LRRC7: variants seen among roughly 807,000 people sequenced by gnomAD.
LRRC7 encodes leucine-rich repeat-containing protein 7.
LRRC7 carries 23 observed loss-of-function variants against 175.7 expected under a neutral mutation model. The observed-to-expected ratio is 0.13, with a 90% CI of 0.09 to 0.19. LRRC7 has a LOEUF of 0.19. Among genes scored for constraint, LRRC7 ranks in the 10% least tolerant of loss-of-function variants. The pLI, the probability that LRRC7 is intolerant of heterozygous loss-of-function variation, is 1.00. For synonymous variants in LRRC7, 685 were observed against 680.9 expected (o/e 1.01, Z -0.09); for missense variants, 1,354 against 1,904.7 (o/e 0.71, Z 5.38).
chr1:69,978,776 C>G lies in LRRC7; in HGVS notation c.712-1603C>G, dbSNP rs1454855997. 3.3e-5 allele frequency among the ~76,000 whole-genome samples: 5 copies of G among 152,058 alleles called. No individual in the cohort carries two copies. The East Asian group carries it at 7.7e-4, about 24-fold the overall frequency. ...GATAACCTCCAATGACCTACAATTA[C>G]TAATATTCTCATGGTAACTTTGATA... On this transcript the variant is annotated intron_variant, in intron 8 of 26. Coordinates refer to ENST00000651989, the MANE Select transcript of LRRC7 (RefSeq NM_001370785.2).
At chr1:70,096,220 G>A (rs184608583) in intron 25 of LRRC7, among the ~76,000 whole-genome samples, 43 of 152,226 alleles carry the variant, frequency 2.8e-4, no homozygotes, top group Admixed American at 2.4e-3. Flanking sequence ...CAGGTGATCC[G>A]CCTGCCGCGG....
intron 7 of LRRC7, among the ~76,000 whole-genome samples, chr1:69,903,921 CTGG>C (rs1234849391): frequency 6.6e-6 from 1 of 152,102 alleles, no homozygotes; most frequent in Admixed American, 6.6e-5. Context: ...GGATAAATTC[CTGG>C]ATACGTACAC....
chr1:69,865,305 C>T (rs1684789138), intron 7 of LRRC7, among the ~76,000 whole-genome samples: 1 of 151,824 alleles, frequency 6.6e-6, no homozygotes. Context: ...GTTTCAGGCA[C>T]TCGGTTGCAT....
intron 1 of LRRC7, among the ~76,000 whole-genome samples, chr1:69,638,742 G>A (rs1219251944): frequency 1.3e-5 from 2 of 151,682 alleles, no homozygotes; most frequent in Non-Finnish European, 3.0e-5. Context: ...AAAGTACAAT[G>A]TTCTCCACCT....
chr1:69,574,077 A>G (rs1645847050), intron 1 of LRRC7, among the ~76,000 whole-genome samples: 1 of 152,086 alleles, frequency 6.6e-6, no homozygotes, highest in South Asian at 2.1e-4. Flanking sequence ...GCTTAAGTTA[A>G]AAACAGTGGA....
intron 7 of LRRC7, among the ~76,000 whole-genome samples, chr1:69,857,178 G>A (rs1373813334): frequency 6.6e-6 from 1 of 152,076 alleles, no homozygotes; most frequent in Non-Finnish European, 1.5e-5. Flanking sequence ...GCAAAAACTG[G>A]AAGCATTCCC....
intron 2 of LRRC7, among the ~76,000 whole-genome samples, chr1:69,699,016 C>G (rs1662986209): frequency 6.6e-6 from 1 of 151,990 alleles, no homozygotes; most frequent in Non-Finnish European, 1.5e-5. Context: ...TTCAGAGCTC[C>G]TTGAGATTTA....
At chr1:69,741,581 C>A (rs928105705) in intron 2 of LRRC7, among the ~76,000 whole-genome samples, 1 of 151,520 alleles carries the variant, frequency 6.6e-6, no homozygotes, top group African/African-American at 2.4e-5. Flanking sequence ...CAGTGATTAG[C>A]GTAGAAAGAG....
rs1030092893 is a variant in LRRC7 at position 70,126,783 on chromosome 1, T to C, written c.*4896T>C. Among the ~76,000 whole-genome samples, 4 of 152,208 alleles carry C rather than the reference T, an allele frequency of 2.6e-5. No homozygotes were observed. Among genetic ancestry groups the C allele is most frequent in the Admixed American group, 6.5e-5 (1 of 15,290 alleles). On this transcript the variant is annotated 3_prime_UTR_variant, in exon 27 of 27. Transcript: ENST00000651989. ...TCTATTTTCCAAGATGCACCACTTG[T>C]ACAAACTAAGGTAGATGCAATCAAG...
chr1:69,873,593 G>A (rs1221037076), intron 7 of LRRC7: 2 of 493,990 alleles, frequency 4.0e-6, no homozygotes, highest in African/African-American at 2.0e-5. Flanking sequence ...GCATCAGCAC[G>A]AATAGACTTT....
At chr1:69,635,107 C>T (rs992411634) in intron 1 of LRRC7, among the ~76,000 whole-genome samples, 1 of 151,978 alleles carries the variant, frequency 6.6e-6, no homozygotes. Context: ...AAGGCACCAG[C>T]GTTTGTTCCC....
chr1:69,837,669 T>G (rs539431920), intron 6 of LRRC7, among the ~76,000 whole-genome samples: 4 of 151,942 alleles, frequency 2.6e-5, no homozygotes, highest in African/African-American at 9.6e-5. Flanking sequence ...CATTCAATTA[T>G]CTATTGAATG....
At chr1:69,753,022 T>C (rs926195975) in intron 2 of LRRC7, among the ~76,000 whole-genome samples, 1 of 152,078 alleles carries the variant, frequency 6.6e-6, no homozygotes, top group Non-Finnish European at 1.5e-5. Flanking sequence ...TTTAAAGCAA[T>C]GTGTTCTCTA....
chr1:69,662,725 C>T (rs903514006), intron 1 of LRRC7, among the ~76,000 whole-genome samples: 3 of 152,186 alleles, frequency 2.0e-5, no homozygotes, highest in African/African-American at 7.2e-5. Context: ...TATTTTTGCA[C>T]TGTCATTTGC....
chr1:69,838,403 C>T (rs1681354741), intron 7 of LRRC7, 120 bp downstream of exon 7: 2 of 740,728 alleles, frequency 2.7e-6, no homozygotes, highest in South Asian at 3.1e-5. Context: ...CACATTTTTC[C>T]TAAAGGCCAA....
chr1:70,006,801 T>G (rs560529117), intron 11 of LRRC7, among the ~76,000 whole-genome samples: 20 of 152,110 alleles, frequency 1.3e-4, no homozygotes, highest in Non-Finnish European at 2.6e-4. Flanking sequence ...CCTCCTGAGG[T>G]TTAATCACTT....
At chr1:70,089,267 T>C (rs1255520794) in intron 24 of LRRC7, among the ~76,000 whole-genome samples, 1 of 152,168 alleles carries the variant, frequency 6.6e-6, no homozygotes, top group Non-Finnish European at 1.5e-5. Context: ...ATTAATCTAC[T>C]CTACTACAAA....
At chr1:69,934,917 A>G (rs868769325) in intron 8 of LRRC7, among the ~76,000 whole-genome samples, 1 of 152,028 alleles carries the variant, frequency 6.6e-6, no homozygotes, top group Non-Finnish European at 1.5e-5. Flanking sequence ...TATAAAGGAG[A>G]GTGTCACTTA....
At chr1:69,997,957 A>G (rs1013114170) in intron 11 of LRRC7, among the ~76,000 whole-genome samples, 22 of 152,174 alleles carry the variant, frequency 1.4e-4, no homozygotes, top group Admixed American at 1.3e-4. Flanking sequence ...TATTGATTGG[A>G]ATAGTTTCAG....
Sources: allele counts gnomAD v4.1 joint callset (sites outside exome capture counted in the v4.1 genomes callset), GRCh38; gene constraint gnomAD v4.1.1; transcripts MANE v1.5; gene names NCBI Gene and HGNC (gene_info 2026-07-23, HGNC 2026-07-21).